AOC3: variants seen among roughly 807,000 people sequenced by gnomAD.
AOC3 encodes the protein amine oxidase copper containing 3.
A neutral mutation model predicts 55.4 loss-of-function variants in AOC3; 47 were observed. The ratio of observed to expected loss-of-function variants is 0.85; its 90% confidence interval spans 0.67 to 1.08. AOC3 has a LOEUF of 1.08. Ranked by LOEUF, AOC3 falls within the 50% of genes least tolerant of loss-of-function variation. AOC3 has a pLI of 0.00. For synonymous variants in AOC3, 386 were observed against 410.7 expected (o/e 0.94, Z 0.73); for missense variants, 853 against 993.1 (o/e 0.86, Z 1.90).
chr17:42,853,470 C>A, intron 1 of AOC3: 1 of 889,386 alleles, frequency 1.1e-6, no homozygotes, highest in African/African-American at 1.8e-5. Flanking sequence ...TCACATGGAT[C>A]CCGTGGAGCA....
chr17:42,852,798 A>G lies in AOC3; in HGVS notation c.1455A>G (p.Ile485Met). 1 of 1,614,110 alleles carries G rather than the reference A, an allele frequency of 6.2e-7. No homozygotes were observed. The highest frequency in any genetic ancestry group is 8.5e-7 in the Non-Finnish European group (1 of 1,179,918). The change falls in exon 1 of 4, where the codon ATA (isoleucine) becomes ATG (methionine). Residue 485 changes from isoleucine to methionine, a missense_variant. Physicochemically the swap from Ile to Met is conservative, Grantham distance 10 (BLOSUM62 1). Coordinates refer to ENST00000308423, the MANE Select transcript of AOC3 (RefSeq NM_003734.4). Reference sequence around the variant, plus strand: ...CGGTCTTCCACCCCAGTGGGGCCATAGAAATACGATTCTATGCCACGGGCT... The same window carrying G: ...CGGTCTTCCACCCCAGTGGGGCCATGGAAATACGATTCTATGCCACGGGCT... Reference protein sequence around the residue: ...WDTVFHPSGAIEIRFYATGYI... With the variant: ...WDTVFHPSGAMEIRFYATGYI...
At position 42,851,294 on chromosome 17, in the gene AOC3, G is replaced by C. The variant is rs1263396573; in HGVS notation, c.-50G>C. The C allele has an allele frequency of 6.5e-7, 1 of 1,539,802 alleles. No individual in the cohort carries two copies. Among genetic ancestry groups the C allele is most frequent in the Non-Finnish European group, 8.8e-7 (1 of 1,139,476 alleles). On this transcript the variant is annotated 5_prime_UTR_variant, in exon 1 of 4. Coordinates refer to ENST00000308423, the MANE Select transcript of AOC3 (RefSeq NM_003734.4). ...CAGAGCCCCCGTCTTGCTGGCGTGA[G>C]AATACATTGCTCTCCTTTGGTTGAA...
Position 42,856,828 on chromosome 17 carries a change from C to G in AOC3, c.*278C>G. ...GCCTGGAGCCGTGGCCGAGGGCTTC[C>G]CTAGATGGTTCCCTTTGTTGCTGTC... On this transcript the variant is annotated 3_prime_UTR_variant, in exon 4 of 4. Coordinates refer to ENST00000308423, the MANE Select transcript of AOC3 (RefSeq NM_003734.4). The G allele has an allele frequency of 2.0e-6, 1 of 500,982 alleles. No homozygotes were observed. Among genetic ancestry groups the G allele is most frequent in the East Asian group, 3.3e-5 (1 of 30,106 alleles). 31.0% of individuals were successfully genotyped at this position (500,982 alleles called of 1,614,324 possible).
Position 42,851,309 on chromosome 17 carries a change from CT to C in AOC3, c.-32del. 1 of 1,564,812 alleles carries C rather than the reference CT, an allele frequency of 6.4e-7. No individual in the cohort carries two copies. The highest frequency in any genetic ancestry group is 1.2e-5 in the South Asian group (1 of 81,760). ...GCTGGCGTGAGAATACATTGCTCTC[CT>C]TTGGTTGAATCAGCTGTCCCTCTTC... On this transcript the variant is annotated 5_prime_UTR_variant, in exon 1 of 4. Transcript: ENST00000308423.
Position 42,851,210 on chromosome 17 carries a change from T to A in AOC3, c.-134T>A. 3 of 695,166 alleles carry A rather than the reference T, an allele frequency of 4.3e-6. No individual in the cohort carries two copies. The highest frequency in any genetic ancestry group is 1.9e-5 in the African/African-American group (1 of 51,406). 43.1% of individuals were successfully genotyped at this position (695,166 alleles called of 1,614,324 possible). ...TCCTTCCCACCCTTAGTCCCAGGCA[T>A]CTGACTACCGGGAACCTCAGCCAGA... is the stretch of plus-strand genomic sequence containing the variant. On this transcript the variant is annotated 5_prime_UTR_variant, in exon 1 of 4. Transcript: ENST00000308423.
In AOC3 at chr17:42,856,888, G is replaced by A; in HGVS notation, c.*338G>A. The A allele has an allele frequency of 5.9e-6, 2 of 341,682 alleles. No individual in the cohort carries two copies. Among genetic ancestry groups the A allele is most frequent in the Non-Finnish European group, 1.1e-5 (2 of 184,500 alleles). 21.2% of individuals were successfully genotyped at this position (341,682 alleles called of 1,614,324 possible). On this transcript the variant is annotated 3_prime_UTR_variant, in exon 4 of 4. Coordinates refer to ENST00000308423, the MANE Select transcript of AOC3 (RefSeq NM_003734.4). ...CGAATCTTTTTAGGCCACCTCCAAG[G>A]ACTCTAAAAGGGGGCTATTCCCTGG...
rs1263836963 is a variant in AOC3, at chr17:42,857,164, C to T, written c.*614C>T. ...TTTTCAGTCAAGTTCCGTCTCCTCT[C>T]CAGCCCTATGGAAGTCTCAAGGTCA... is the stretch of plus-strand genomic sequence containing the variant. On this transcript the variant is annotated 3_prime_UTR_variant, in exon 4 of 4. Coordinates refer to ENST00000308423, the MANE Select transcript of AOC3 (RefSeq NM_003734.4). 6.5e-6 allele frequency: 1 copy of T among 153,326 alleles called. No individual in the cohort carries two copies. Among genetic ancestry groups the T allele is most frequent in the Non-Finnish European group, 1.5e-5 (1 of 68,850 alleles). 9.5% of individuals were successfully genotyped at this position (153,326 alleles called of 1,614,324 possible). A position where few individuals can be genotyped will look rare whatever the true frequency, so the allele number is the denominator to read the frequency against.
In AOC3 at chr17:42,853,060, C is replaced by T. The variant is rs2055699030; in HGVS notation, c.1600+117C>T. ...GGAAGACGTGGATTTTTGTACTTCC[C>T]CTTTTGCTGGATGGGAGAGAGTTGG... On this transcript the variant is annotated intron_variant, in intron 1 of 3. Coordinates refer to ENST00000308423, the MANE Select transcript of AOC3 (RefSeq NM_003734.4). The T allele has an allele frequency of 6.5e-6, 9 of 1,380,002 alleles. 1 individual carries two copies. In the South Asian group the frequency reaches 1.2e-4, roughly 18 times the overall value. 85.5% of individuals were successfully genotyped at this position (1,380,002 alleles called of 1,614,324 possible). A position where few individuals can be genotyped will look rare whatever the true frequency, so the allele number is the denominator to read the frequency against.
intron 1 of AOC3, 194 bp from the exon 2 acceptor site, chr17:42,854,254 G>A (rs1674085278): frequency 2.4e-6 from 1 of 423,542 alleles, no homozygotes. Flanking sequence ...TGAACTCCCT[G>A]ATGAAGTATT....
Position 42,856,732 on chromosome 17 carries a change from C to A in AOC3, c.*182C>A. ...AGCCTCCTGACCCTGTGATGCCTGA[C>A]ACAGGGGACACTGAACCTTGTTGAT... is the stretch of plus-strand genomic sequence containing the variant. On this transcript the variant is annotated 3_prime_UTR_variant, in exon 4 of 4. Coordinates refer to ENST00000308423, the MANE Select transcript of AOC3 (RefSeq NM_003734.4). 1 of 681,000 alleles carries A rather than the reference C, an allele frequency of 1.5e-6. No individual in the cohort carries two copies. 42.2% of individuals were successfully genotyped at this position (681,000 alleles called of 1,614,324 possible). A position where few individuals can be genotyped will look rare whatever the true frequency, so the allele number is the denominator to read the frequency against.
intron 2 of AOC3, 118 bp downstream of exon 2, chr17:42,854,851 CT>C (rs34666602): frequency 0.19 from 136,596 of 714,058 alleles, 722 homozygotes; most frequent in African/African-American, 0.22. Flanking sequence ...TTTTCTTTTC[CT>C]TTTTTTTTTT....
chr17:42,857,177 A>C lies in AOC3; in HGVS notation c.*627A>C, dbSNP rs1313627082. On this transcript the variant is annotated 3_prime_UTR_variant, in exon 4 of 4. Transcript: ENST00000308423. ...TCCGTCTCCTCTCCAGCCCTATGGA[A>C]GTCTCAAGGTCACGGGACCCCTAAT... The C allele has an allele frequency of 6.5e-6, 1 of 152,734 alleles. No homozygotes were observed. Among genetic ancestry groups the C allele is most frequent in the African/African-American group, 2.4e-5 (1 of 41,404 alleles). The allele number at this position is 152,734 out of a possible 1,614,324, so 9.5% of individuals were successfully genotyped here. A position where few individuals can be genotyped will look rare whatever the true frequency, so the allele number is the denominator to read the frequency against.
rs181970839 is a variant in AOC3 at position 42,856,240 on chromosome 17, C to G, written c.2017-35C>G. ...TACCAGGGCATGTCCTCAGCAAAGC[C>G]AGACCTCGTGATCCTCTTTCTTCTC... is the stretch of plus-strand genomic sequence containing the variant. On this transcript the variant is annotated intron_variant, in intron 3 of 3. Coordinates refer to ENST00000308423, the MANE Select transcript of AOC3 (RefSeq NM_003734.4). The G allele has an allele frequency of 5.9e-4, 950 of 1,605,756 alleles. 9 individuals are homozygous for G. In the Middle Eastern group the frequency reaches 0.012, roughly 21 times the overall value.
At position 42,853,166 on chromosome 17, in the gene AOC3, C is replaced by T. The variant is rs111730859; in HGVS notation, c.1600+223C>T. The T allele has an allele frequency of 2.8e-5, 38 of 1,381,692 alleles. 3 individuals are homozygous for T. Among genetic ancestry groups the T allele is most frequent in the Middle Eastern group, 2.7e-4 (1 of 3,696 alleles). 85.6% of individuals were successfully genotyped at this position (1,381,692 alleles called of 1,614,324 possible). A position where few individuals can be genotyped will look rare whatever the true frequency, so the allele number is the denominator to read the frequency against. ...CCTCTACGTGACCTCATCCAAAGAT[C>T]TTGGGAAATGGCCGAGCTCAGGGAG... On this transcript the variant is annotated intron_variant, in intron 1 of 3. Coordinates refer to ENST00000308423, the MANE Select transcript of AOC3 (RefSeq NM_003734.4).
chr17:42,851,652 G>A lies in AOC3; in HGVS notation c.309G>A (p.Leu103=). ...DNCVFSVELQ[L]PPKAAALAHL... ...GTGTCTTCTCAGTGGAGTTGCAGCT[G>A]CCTCCCAAGGCTGCAGCCCTGGCTC... Residue 103 remains leucine, a synonymous_variant, in exon 1 of 4, where the codon CTG becomes CTA. Coordinates refer to ENST00000308423, the MANE Select transcript of AOC3 (RefSeq NM_003734.4). The A allele has an allele frequency of 1.9e-6, 3 of 1,613,028 alleles. No homozygotes were observed. The highest frequency in any genetic ancestry group is 2.5e-6 in the Non-Finnish European group (3 of 1,180,012).
Position 42,852,493 on chromosome 17 carries a change from T to C in AOC3, c.1150T>C (p.Tyr384His). Residue 384 changes from tyrosine (Y) to histidine (H), a missense_variant, in exon 1 of 4, where the codon TAT (tyrosine) becomes CAT (histidine). By Grantham distance (83) the Tyr-to-His change is moderately conservative (BLOSUM62 2). Coordinates refer to ENST00000308423, the MANE Select transcript of AOC3 (RefSeq NM_003734.4). ...GNSPAAMTTRYVDGGFGMGKY... is the reference protein window; with the variant it reads ...GNSPAAMTTRHVDGGFGMGKY... ...TTCCCCAGCAGCAATGACGACCCGC[T>C]ATGTGGATGGAGGCTTTGGCATGGG... 1.9e-6 allele frequency: 3 copies of C among 1,614,206 alleles called. No homozygotes were observed. Among genetic ancestry groups the C allele is most frequent in the Non-Finnish European group, 2.5e-6 (3 of 1,180,034 alleles).
chr17:42,852,788 G>T lies in AOC3; in HGVS notation c.1445G>T (p.Ser482Ile). The T allele has an allele frequency of 1.2e-6, 2 of 1,614,058 alleles. No individual in the cohort carries two copies. The highest frequency in any genetic ancestry group is 1.7e-6 in the Non-Finnish European group (2 of 1,179,898). The part of the protein sequence containing the change: ...DYVWDTVFHP[S>I]GAIEIRFYAT... ...GTGTGGGATACGGTCTTCCACCCCA[G>T]TGGGGCCATAGAAATACGATTCTAT... The change falls in exon 1 of 4, where the codon AGT becomes ATT. Residue 482 changes from serine (S) to isoleucine (I), a missense_variant. Ser to Ile is a moderately radical substitution (Grantham distance 142). Transcript: ENST00000308423.
Position 42,856,285 on chromosome 17 carries a change from C to T in AOC3, c.2027C>T (p.Ala676Val). 1 of 1,613,830 alleles carries T rather than the reference C, an allele frequency of 6.2e-7. No individual in the cohort carries two copies. The highest frequency in any genetic ancestry group is 8.5e-7 in the Non-Finnish European group (1 of 1,179,766). Reference sequence around the variant, plus strand: ...CTTCTCCCCTGCTAGGATTTGGTGGCCTGGGTGACAGCTGGTTTTCTGCAT... The same window carrying T: ...CTTCTCCCCTGCTAGGATTTGGTGGTCTGGGTGACAGCTGGTTTTCTGCAT... ...NETIAGKDLVAWVTAGFLHIP... is the reference protein window; with the variant it reads ...NETIAGKDLVVWVTAGFLHIP... Residue 676 changes from alanine (A) to valine (V), a missense_variant, in exon 4 of 4, where the codon GCC becomes GTC. Ala to Val is a moderately conservative substitution (Grantham distance 64). Transcript: ENST00000308423.
chr17:42,856,680 C>T lies in AOC3; in HGVS notation c.*130C>T, dbSNP rs12947880. ...CCAGGACTCTCTTTCTTCCACTACC[C>T]TCCCTCGCATCCGCCTCTGAGCCAG... On this transcript the variant is annotated 3_prime_UTR_variant, in exon 4 of 4. Coordinates refer to ENST00000308423, the MANE Select transcript of AOC3 (RefSeq NM_003734.4). 1 of 1,112,134 alleles carries T rather than the reference C, an allele frequency of 9.0e-7. No homozygotes were observed. The highest frequency in any genetic ancestry group is 1.5e-5 in the South Asian group (1 of 64,968). The allele number at this position is 1,112,134 out of a possible 1,614,324, so 68.9% of individuals were successfully genotyped here.
Sources: gnomAD v4.1 joint callset for allele counts on GRCh38, gnomAD v4.1.1 for gene constraint, MANE v1.5 for transcripts, NCBI Gene and HGNC (gene_info 2026-07-23, HGNC 2026-07-21) for gene names.